MTOR: variants seen among roughly 807,000 people sequenced by gnomAD.
MTOR encodes the protein mechanistic target of rapamycin kinase, also known as serine/threonine-protein kinase mTOR.
MTOR carries 70 observed loss-of-function variants against 319.8 expected under a neutral mutation model. The ratio of observed to expected loss-of-function variants is 0.22; its 90% confidence interval spans 0.18 to 0.27. MTOR has a LOEUF of 0.27. Ranked by LOEUF, MTOR falls within the 10% of genes least tolerant of loss-of-function variation. The pLI is 1.00. For missense variants in MTOR, 1,890 were observed against 3,274.4 expected (o/e 0.58, Z 10.32); for synonymous variants, 1,183 against 1,211.4 (o/e 0.98, Z 0.49).
In MTOR at chr1:11,199,852, C is replaced by T; in HGVS notation, c.3945-149G>A. The stretch of plus-strand genomic sequence containing the variant: ...ACCAGTGCTGTCCAAGAGAATTTTC[C>T]TGTCCAATATGGTAGCCAGTGATCA... On this transcript the variant is annotated intron_variant, in intron 26 of 57. Coordinates refer to ENST00000361445, the MANE Select transcript of MTOR (RefSeq NM_004958.4). This position sits in a 1 kb window ranked among gnomAD's most constrained non-coding sequence, Gnocchi z 4.5. 1 of 746,948 alleles carries T rather than the reference C, an allele frequency of 1.3e-6. No homozygotes were observed. The highest frequency in any genetic ancestry group is 1.9e-5 in the South Asian group (1 of 52,644). The allele number at this position is 746,948 out of a possible 1,614,324, so 46.3% of individuals were successfully genotyped here.
At chr1:11,211,506 C>T (rs1045941575) in intron 23 of MTOR, among the ~76,000 whole-genome samples, 1 of 152,108 alleles carries the variant, frequency 6.6e-6, no homozygotes, top group African/African-American at 2.4e-5. Context: ...TAGCTGGGAC[C>T]ACAGGCACGT....
intron 11 of MTOR, among the ~76,000 whole-genome samples, chr1:11,238,964 C>T (rs1005155522): frequency 6.7e-6 from 1 of 148,216 alleles, no homozygotes; most frequent in African/African-American, 2.5e-5. Flanking sequence ...TTATTAGAGA[C>T]AGCGTTTCAC....
intron 32 of MTOR, among the ~76,000 whole-genome samples, chr1:11,145,904 G>A (rs1222412909): frequency 1.3e-5 from 2 of 152,166 alleles, no homozygotes; most frequent in Admixed American, 1.3e-4. Flanking sequence ...TGGCTTCCAA[G>A]CACCCTCTGT....
At chr1:11,253,404 G>A (rs755040743) in intron 6 of MTOR, among the ~76,000 whole-genome samples, 2 of 152,072 alleles carry the variant, frequency 1.3e-5, no homozygotes, top group Non-Finnish European at 2.9e-5. Context: ...GTGAAAGCTC[G>A]TGTTTACTGT....
At chr1:11,213,889 T>G (rs1278296655) in intron 20 of MTOR, among the ~76,000 whole-genome samples, 2 of 152,158 alleles carry the variant, frequency 1.3e-5, no homozygotes, top group Non-Finnish European at 2.9e-5. Flanking sequence ...GCCTCACTTC[T>G]CCCATGCAGG....
chr1:11,233,608 T>C (rs1647096222), intron 14 of MTOR, 121 bp from the exon 15 acceptor site: 4 of 728,620 alleles, frequency 5.5e-6, no homozygotes, highest in Non-Finnish European at 9.1e-6. Context: ...TTCTAGGCTT[T>C]ATGAATCCAA....
chr1:11,218,557 A>G (rs1045880748), intron 19 of MTOR, among the ~76,000 whole-genome samples: 7 of 152,208 alleles, frequency 4.6e-5, no homozygotes, highest in Non-Finnish European at 1.0e-4. Context: ...AAACAGGCCT[A>G]CAGCGATGGC....
rs771356229 is a variant in MTOR, at chr1:11,199,625, G to C, written c.4023C>G (p.Ile1341Met). 6 of 1,614,162 alleles carry C rather than the reference G, an allele frequency of 3.7e-6. No individual in the cohort carries two copies. Among genetic ancestry groups the C allele is most frequent in the Non-Finnish European group, 5.1e-6 (6 of 1,180,006 alleles). Residue 1341 changes from isoleucine (I) to methionine (M), a missense_variant, in exon 27 of 58, where the codon ATC becomes ATG. Physicochemically the swap from Ile to Met is conservative, Grantham distance 10. Transcript: ENST00000361445. The surrounding 1 kb of genome is among the most constrained non-coding windows in gnomAD (Gnocchi z 4.5). ...TGTCTTGTGAGGTGAGGGCCAACTC[G>C]ATGCTTCTGATGAGCTCATCCTGTT... Reference protein sequence around the residue: ...EDQQDELIRSIELALTSQDIA... With the variant: ...EDQQDELIRSMELALTSQDIA...
intron 1 of MTOR, among the ~76,000 whole-genome samples, chr1:11,261,451 G>T (rs1036855588): frequency 6.6e-6 from 1 of 151,866 alleles, no homozygotes; most frequent in Non-Finnish European, 1.5e-5. Context: ...CAGCCTGGGC[G>T]ACAGAGCGAA....
chr1:11,240,618 C>T lies in MTOR; in HGVS notation c.1542-71G>A, dbSNP rs1050753769. 13 of 1,544,440 alleles carry T rather than the reference C, an allele frequency of 8.4e-6. No homozygotes were observed. In the Admixed American group the frequency reaches 9.6e-5, roughly 11 times the overall value. ...TCAGTCTGTTCTTGGGAAGAAACAG[C>T]TTTCTCTCCCAGCAAGGGGATCAGG... On this transcript the variant is annotated intron_variant, in intron 10 of 57. Coordinates refer to ENST00000361445, the MANE Select transcript of MTOR (RefSeq NM_004958.4).
intron 25 of MTOR, among the ~76,000 whole-genome samples, chr1:11,208,656 G>A (rs1646216074): frequency 6.6e-6 from 1 of 152,192 alleles, no homozygotes; most frequent in African/African-American, 2.4e-5. Flanking sequence ...AAGTAATTAT[G>A]ATTATTGTGC....
At chr1:11,176,256 A>G (rs1202928260) in intron 28 of MTOR, among the ~76,000 whole-genome samples, 1 of 152,172 alleles carries the variant, frequency 6.6e-6, no homozygotes. Context: ...GTAACTTGAC[A>G]TGGCAGTGCC....
In MTOR at chr1:11,256,422, A is replaced by T. The variant is rs976013369; in HGVS notation, c.505-230T>A. 8.0e-6 allele frequency: 6 copies of T among 747,434 alleles called. No homozygotes were observed. The Admixed American group carries it at 3.8e-4, about 47-fold the overall frequency. The allele number at this position is 747,434 out of a possible 1,614,324, so 46.3% of individuals were successfully genotyped here. On this transcript the variant is annotated intron_variant, in intron 4 of 57. Transcript: ENST00000361445. ...CACAGAATGCTTGTAATGTTTGAACATAAGTTCTGGAAGTGCAGATGTGTT... is the reference window on the plus strand; with the variant it reads ...CACAGAATGCTTGTAATGTTTGAACTTAAGTTCTGGAAGTGCAGATGTGTT...
chr1:11,139,053 T>G (rs1293045676), intron 36 of MTOR: 1 of 443,266 alleles, frequency 2.3e-6, no homozygotes, highest in Non-Finnish European at 3.9e-6. Flanking sequence ...GTCCCAGCAC[T>G]TTCTAGATAC....
At chr1:11,233,307 A>AT (rs1375076203) in intron 15 of MTOR, 91 bp downstream of exon 15, 15 of 1,229,596 alleles carry the variant, frequency 1.2e-5, no homozygotes, top group South Asian at 1.3e-5. Flanking sequence ...GAGACCTTTC[A>AT]TTTAAAAAAA....
At chr1:11,253,775 G>C (rs1650009489) in intron 6 of MTOR, 64 bp downstream of exon 6, 1 of 1,592,062 alleles carries the variant, frequency 6.3e-7, no homozygotes, top group Non-Finnish European at 8.6e-7. Context: ...CATGGATCTC[G>C]CCTTGCCTCG....
At chr1:11,163,920 A>G (rs1644555753) in intron 29 of MTOR, among the ~76,000 whole-genome samples, 1 of 152,226 alleles carries the variant, frequency 6.6e-6, no homozygotes, top group Non-Finnish European at 1.5e-5. Context: ...AGAAGGCAAG[A>G]AATAACTAAG....
intron 24 of MTOR, among the ~76,000 whole-genome samples, chr1:11,210,391 C>G (rs1646271078): frequency 6.6e-6 from 1 of 152,214 alleles, no homozygotes; most frequent in South Asian, 2.1e-4. Flanking sequence ...CTCAAGCAAT[C>G]CACCTGCCTT....
rs1329852786 is a variant in MTOR at position 11,234,865 on chromosome 1, C to T, written c.2209-600G>A. 2.6e-5 allele frequency among the ~76,000 whole-genome samples: 4 copies of T among 152,074 alleles called. 1 individual carries two copies. Among genetic ancestry groups the T allele is most frequent in the Non-Finnish European group, 5.9e-5 (4 of 68,018 alleles). ...TTGGTTCTAGCTGACATCCTTAGGA[C>T]ACCAGCAAATCAGCATATCTTGCTC... On this transcript the variant is annotated intron_variant, in intron 13 of 57. Coordinates refer to ENST00000361445, the MANE Select transcript of MTOR (RefSeq NM_004958.4).
Sources: gnomAD v4.1 joint callset for allele counts (sites outside exome capture counted in the v4.1 genomes callset) on GRCh38, gnomAD v4.1.1 for gene constraint, Gnocchi (gnomAD v3.1) non-coding constraint, MANE v1.5 for transcripts, NCBI Gene and HGNC (gene_info 2026-07-23, HGNC 2026-07-21) for gene names.